The following PCDHGA2 variants were observed in gnomAD, a reference collection of about 807,000 sequenced individuals.
PCDHGA2 encodes the protein protocadherin gamma subfamily A, 2.
PCDHGA2 carries 40 observed loss-of-function variants against 59.2 expected under a neutral mutation model. That is an observed-to-expected ratio of 0.68 (90% CI 0.52 to 0.88). The LOEUF is 0.88. Ranked by LOEUF, PCDHGA2 falls within the 40% of genes least tolerant of loss-of-function variation. The pLI is 0.00. For synonymous variants in PCDHGA2, 560 were observed against 526.0 expected (o/e 1.06, Z -0.89); for missense variants, 1,226 against 1,204.0 (o/e 1.02, Z -0.27).
chr5:141,481,913 C>CAAAAAAAAAAAAA (rs34114744), intron 1 of PCDHGA2, among the ~76,000 whole-genome samples: 1 of 90,852 alleles, frequency 1.1e-5, no homozygotes. Flanking sequence ...AACTCCATCT[C>CAAAAAAAAAAAAA]AAAAAAAAAA....
chr5:141,424,082 C>T (rs2096798510), intron 1 of PCDHGA2: 2 of 957,226 alleles, frequency 2.1e-6, no homozygotes, highest in East Asian at 1.1e-4. Flanking sequence ...TTATATTCCA[C>T]CATTATTTGC....
intron 1 of PCDHGA2, chr5:141,344,116 C>G: frequency 6.2e-7 from 1 of 1,614,010 alleles, no homozygotes. Context: ...GAAACAGGAT[C>G]CGGTCAGATC....
At chr5:141,478,683 C>G (rs1355955377) in intron 1 of PCDHGA2, 14 of 1,551,164 alleles carry the variant, frequency 9.0e-6, no homozygotes, top group African/African-American at 1.4e-5. Flanking sequence ...CTGGCCCTTC[C>G]TAGATCAAAG....
At chr5:141,344,291 C>T (rs747584731) in intron 1 of PCDHGA2, 2 of 1,614,058 alleles carry the variant, frequency 1.2e-6, no homozygotes, top group Non-Finnish European at 1.7e-6. Context: ...GCTTGGTCAC[C>T]GCGGAGAGGA....
At chr5:141,396,033 C>G (rs191318626) in intron 1 of PCDHGA2, 2 of 152,280 alleles carry the variant, frequency 1.3e-5, no homozygotes, top group South Asian at 2.1e-4. Flanking sequence ...TATGTAAGAA[C>G]ATATTTCAAT....
chr5:141,344,788 G>T lies in PCDHGA2; in HGVS notation c.2424+3393G>T, dbSNP rs373887842. 1.5e-4 allele frequency: 235 copies of T among 1,613,866 alleles called. No homozygotes were observed. The highest frequency in any genetic ancestry group is 1.9e-4 in the Non-Finnish European group (221 of 1,179,906). Reference sequence around the variant, plus strand: ...CAGCCTGAGTACCGTGTGAGTGTTTGGGAGAACGTGCCTGTGGGTACCCGG... The same window carrying T: ...CAGCCTGAGTACCGTGTGAGTGTTTTGGAGAACGTGCCTGTGGGTACCCGG... On this transcript the variant is annotated intron_variant, in intron 1 of 3. Transcript: ENST00000394576.
At chr5:141,441,746 C>CGTCAA in intron 1 of PCDHGA2, 1 of 371,314 alleles carries the variant, frequency 2.7e-6, no homozygotes, top group Non-Finnish European at 5.4e-6. Context: ...TCGCGCTCGG[C>CGTCAA]GTCAACGTGA....
chr5:141,364,788 T>C lies in PCDHGA2; in HGVS notation c.2424+23393T>C. 5 of 1,614,034 alleles carry C rather than the reference T, an allele frequency of 3.1e-6. No homozygotes were observed. Among genetic ancestry groups the C allele is most frequent in the South Asian group, 2.2e-5 (2 of 91,086 alleles). On this transcript the variant is annotated intron_variant, in intron 1 of 3. Transcript: ENST00000394576. Reference sequence around the variant, plus strand: ...AATGCGGCTGCAGGGACACGGTTAGTGCTTCCCTTCGCGCGGGATGCGGAT... The same window carrying C: ...AATGCGGCTGCAGGGACACGGTTAGCGCTTCCCTTCGCGCGGGATGCGGAT...
rs752147264 is a variant in PCDHGA2, at chr5:141,398,602, G to C, written c.2424+57207G>C. 8 of 1,613,936 alleles carry C rather than the reference G, an allele frequency of 5.0e-6. No individual in the cohort carries two copies. The East Asian group carries it at 1.6e-4, about 31-fold the overall frequency. On this transcript the variant is annotated intron_variant, in intron 1 of 3. Transcript: ENST00000394576. ...AAGATTTATACTAGAAGTAGCAGAA[G>C]ATGCAGATATTGGCTTAAACTCTCT...
At chr5:141,422,473 G>A (rs2096650443) in intron 1 of PCDHGA2, 7 of 1,613,740 alleles carry the variant, frequency 4.3e-6, no homozygotes, top group Non-Finnish European at 5.1e-6. Context: ...CAGGGAGTTG[G>A]TCCAGAGCTA....
intron 1 of PCDHGA2, chr5:141,343,247 A>C (rs777842621): frequency 1.1e-4 from 100 of 925,564 alleles, no homozygotes; most frequent in Non-Finnish European, 1.3e-4. Context: ...CAAATATCGA[A>C]ACTAAGTTAT....
intron 1 of PCDHGA2, among the ~76,000 whole-genome samples, chr5:141,480,187 T>TGAGGCCAGCAGTTC (rs2099513839): frequency 6.6e-6 from 1 of 151,380 alleles, no homozygotes; most frequent in Admixed American, 6.6e-5. Context: ...GCGGATTGCT[T>TGAGGCCAGCAGTTC]GAGGCCAGCA....
At chr5:141,405,339 A>G in intron 1 of PCDHGA2, 1 of 1,614,178 alleles carries the variant, frequency 6.2e-7, no homozygotes, top group Non-Finnish European at 8.5e-7. Context: ...GTCTCTGTTG[A>G]TTCCAAGTTT....
At chr5:141,362,551 T>C (rs767580299) in intron 1 of PCDHGA2, 4 of 1,612,614 alleles carry the variant, frequency 2.5e-6, no homozygotes, top group Non-Finnish European at 3.4e-6. Flanking sequence ...AGATACTATT[T>C]TGAAGGTGAG....
At chr5:141,481,560 G>A (rs1594155886) in intron 1 of PCDHGA2, among the ~76,000 whole-genome samples, 1 of 152,212 alleles carries the variant, frequency 6.6e-6, no homozygotes, top group Non-Finnish European at 1.5e-5. Flanking sequence ...GCTCACGCCT[G>A]TAATCCCAGT....
rs1216840918 is a variant in PCDHGA2, at chr5:141,476,285, G to C, written c.2425-18522G>C. The C allele has an allele frequency of 1.2e-6, 2 of 1,614,036 alleles. No individual in the cohort carries two copies. The highest frequency in any genetic ancestry group is 1.7e-6 in the Non-Finnish European group (2 of 1,180,032). ...CAACGTGGTCGCGAACCTTGGTTTG[G>C]ATCTCGGTAGCCTCTCAGCCCGCAG... On this transcript the variant is annotated intron_variant, in intron 1 of 3. Coordinates refer to ENST00000394576, the MANE Select transcript of PCDHGA2 (RefSeq NM_018915.4). This position sits in a 1 kb window ranked among gnomAD's most constrained non-coding sequence, Gnocchi z 7.6.
At position 141,350,686 on chromosome 5, in the gene PCDHGA2, A is replaced by G. The variant is rs1377693392; in HGVS notation, c.2424+9291A>G. On this transcript the variant is annotated intron_variant, in intron 1 of 3. Coordinates refer to ENST00000394576, the MANE Select transcript of PCDHGA2 (RefSeq NM_018915.4). ...GCATTGACTTAGAAATTTGTGAGTC[A>G]GCCTTACCCGGGGTAAAATTCTCTC... The G allele has an allele frequency of 1.1e-5, 18 of 1,613,904 alleles. No homozygotes were observed. In the East Asian group the frequency reaches 1.6e-4, roughly 14 times the overall value.
chr5:141,390,386 A>C, intron 1 of PCDHGA2: 2 of 1,432,848 alleles, frequency 1.4e-6, no homozygotes, highest in Non-Finnish European at 1.9e-6. Context: ...TTTAGATGTC[A>C]TGGATCATTT....
chr5:141,462,462 T>G (rs570804965), intron 1 of PCDHGA2, among the ~76,000 whole-genome samples: 1 of 152,346 alleles, frequency 6.6e-6, no homozygotes, highest in Middle Eastern at 3.4e-3. Flanking sequence ...CTGAAAACTG[T>G]GTATTCTGCT....
Sources: gnomAD v4.1 joint callset for allele counts (sites outside exome capture counted in the v4.1 genomes callset) on GRCh38, gnomAD v4.1.1 for gene constraint, Gnocchi (gnomAD v3.1) non-coding constraint, MANE v1.5 for transcripts, NCBI Gene and HGNC (gene_info 2026-07-23, HGNC 2026-07-21) for gene names.